The following RNF13 variants were observed in gnomAD, a reference collection of about 807,000 sequenced individuals.
RNF13 encodes ring finger protein 13.
RNF13 carries 19 observed loss-of-function variants against 37.7 expected under a neutral mutation model. The observed-to-expected ratio is 0.50, with a 90% CI of 0.35 to 0.74. The LOEUF is 0.74. Among genes scored for constraint, RNF13 ranks in the 30% least tolerant of loss-of-function variants. The pLI is 0.01. For synonymous variants in RNF13, 144 were observed against 157.8 expected (o/e 0.91, Z 0.65); for missense variants, 375 against 453.0 (o/e 0.83, Z 1.56).
chr3:149,832,965 A>G (rs564460361), intron 1 of RNF13, among the ~76,000 whole-genome samples: 15 of 152,136 alleles, frequency 9.9e-5, no homozygotes, highest in Non-Finnish European at 1.8e-4. Context: ...ATCAACATCA[A>G]TTTTTCTCAA....
intron 6 of RNF13, among the ~76,000 whole-genome samples, chr3:149,903,305 G>A (rs991103747): frequency 2.0e-5 from 3 of 151,810 alleles, no homozygotes; most frequent in Non-Finnish European, 2.9e-5. Flanking sequence ...TTGCTCCCTC[G>A]TTTAGAATAC....
chr3:149,861,228 G>C (rs1244883214), intron 3 of RNF13, among the ~76,000 whole-genome samples: 1 of 151,736 alleles, frequency 6.6e-6, no homozygotes. Flanking sequence ...CTTAAAAGGG[G>C]GTGGGGGAGA....
In RNF13 at chr3:149,960,992, A is replaced by G; in HGVS notation, c.1034A>G (p.Asp345Gly). 1.2e-6 allele frequency: 2 copies of G among 1,614,238 alleles called. No individual in the cohort carries two copies. Among genetic ancestry groups the G allele is most frequent in the Non-Finnish European group, 1.7e-6 (2 of 1,180,030 alleles). ...GAATCTTCAGACTATGAGGAAGACG[A>G]CAATGAAGATACTGACAGTAGTGAT... ...MTESSDYEEDDNEDTDSSDAE... is the reference protein window; with the variant it reads ...MTESSDYEEDGNEDTDSSDAE... The change falls in exon 10 of 10, where the codon GAC (aspartate) becomes GGC (glycine). Residue 345 changes from aspartate to glycine, a missense_variant. Physicochemically the swap from Asp to Gly is moderately conservative, Grantham distance 94. Coordinates refer to ENST00000392894, the MANE Select transcript of RNF13 (RefSeq NM_183381.3).
intron 8 of RNF13, among the ~76,000 whole-genome samples, chr3:149,951,600 C>CTTTAGTTGGGGTTGT (rs1721346717): frequency 6.6e-6 from 1 of 152,108 alleles, no homozygotes; most frequent in African/African-American, 2.4e-5. Context: ...CCTCTTTCTA[C>CTTTAGTTGGGGTTGT]TTTAGTTGGG....
intron 8 of RNF13, among the ~76,000 whole-genome samples, chr3:149,934,808 G>A (rs1719515235): frequency 6.6e-6 from 1 of 151,876 alleles, no homozygotes; most frequent in South Asian, 2.1e-4. Flanking sequence ...GTAGAGATGA[G>A]GTTTTACCAT....
intron 3 of RNF13, among the ~76,000 whole-genome samples, chr3:149,862,192 A>G (rs1202300693): frequency 6.6e-6 from 1 of 152,142 alleles, no homozygotes; most frequent in Non-Finnish European, 1.5e-5. Context: ...AAATTACACC[A>G]TAATGTAACC....
chr3:149,843,687 A>G (rs1459834238), intron 1 of RNF13, among the ~76,000 whole-genome samples: 1 of 152,220 alleles, frequency 6.6e-6, no homozygotes, highest in Non-Finnish European at 1.5e-5. Context: ...TACTCTTCGA[A>G]CATCAACCTT....
chr3:149,903,030 G>A (rs1716006443), intron 6 of RNF13, among the ~76,000 whole-genome samples: 1 of 151,932 alleles, frequency 6.6e-6, no homozygotes, highest in African/African-American at 2.4e-5. Context: ...TTATTTAGGG[G>A]GAAAAGAAAT....
intron 8 of RNF13, among the ~76,000 whole-genome samples, chr3:149,929,826 G>C (rs532526677): frequency 2.0e-5 from 3 of 152,298 alleles, no homozygotes; most frequent in Admixed American, 1.3e-4. Flanking sequence ...CACTGTTAGA[G>C]AGCAGTTGAC....
chr3:149,940,990 C>T (rs550382004), intron 8 of RNF13, among the ~76,000 whole-genome samples: 78 of 152,268 alleles, frequency 5.1e-4, no homozygotes, highest in African/African-American at 1.9e-3. Context: ...GCATAATGCC[C>T]TCACGGTTCA....
At chr3:149,853,803 T>G (rs1315733348) in intron 3 of RNF13, among the ~76,000 whole-genome samples, 1 of 151,714 alleles carries the variant, frequency 6.6e-6, no homozygotes, top group Non-Finnish European at 1.5e-5. Context: ...ATAGAATGTT[T>G]TCAGTTTATT....
intron 1 of RNF13, among the ~76,000 whole-genome samples, chr3:149,844,835 A>G (rs149470920): frequency 6.6e-6 from 1 of 152,140 alleles, no homozygotes; most frequent in Admixed American, 6.5e-5. Flanking sequence ...AGTGATTTTT[A>G]GTATATTTAT....
chr3:149,816,733 A>G (rs1238349617), intron 1 of RNF13, among the ~76,000 whole-genome samples: 1 of 152,190 alleles, frequency 6.6e-6, no homozygotes, highest in Non-Finnish European at 1.5e-5. Context: ...CAGACTAAAG[A>G]TTTTATATAT....
At chr3:149,881,590 C>T (rs1273393597) in intron 4 of RNF13, among the ~76,000 whole-genome samples, 1 of 152,182 alleles carries the variant, frequency 6.6e-6, no homozygotes, top group East Asian at 1.9e-4. Context: ...CTCGGCCTTC[C>T]AAAGTGTTGG....
rs2108299542 is a variant in RNF13, at chr3:149,814,946, T to TA, written c.-17+1595dup. Among the ~76,000 whole-genome samples the TA allele has an allele frequency of 2.6e-5, 4 of 151,876 alleles. No individual in the cohort carries two copies. The South Asian group carries it at 6.2e-4, about 24-fold the overall frequency. Reference sequence around the variant, plus strand: ...ACTGTTTTATTAGTTTTTTTTTTTTTAACCTCTGCCTTTGTTTGAAGCTAG... The same window carrying TA: ...ACTGTTTTATTAGTTTTTTTTTTTTTAAACCTCTGCCTTTGTTTGAAGCTAG... On this transcript the variant is annotated intron_variant, in intron 1 of 9. Transcript: ENST00000392894.
At chr3:149,949,737 TTTTTC>T (rs1250390310) in intron 8 of RNF13, among the ~76,000 whole-genome samples, 3 of 151,716 alleles carry the variant, frequency 2.0e-5, no homozygotes, top group African/African-American at 7.3e-5. Flanking sequence ...TCTTTTTTTT[TTTTTC>T]TTCTCTTCAT....
chr3:149,864,376 T>TTG (rs1021856067), intron 3 of RNF13, among the ~76,000 whole-genome samples: 1 of 151,876 alleles, frequency 6.6e-6, no homozygotes, highest in South Asian at 2.1e-4. Context: ...GCCATGCCTT[T>TTG]TGTGTGTGTG....
chr3:149,939,822 G>A, intron 8 of RNF13: 8 of 545,112 alleles, frequency 1.5e-5, no homozygotes, highest in South Asian at 1.2e-4. Context: ...CACTTAGGTG[G>A]GAGAGAAGGT....
chr3:149,855,576 A>G (rs1211182242), intron 3 of RNF13, among the ~76,000 whole-genome samples: 2 of 150,884 alleles, frequency 1.3e-5, no homozygotes, highest in African/African-American at 2.4e-5. Context: ...ATACGTATAT[A>G]TGTGTATATA....
Sources: gnomAD v4.1 joint callset for allele counts (sites outside exome capture counted in the v4.1 genomes callset) on GRCh38, gnomAD v4.1.1 for gene constraint, MANE v1.5 for transcripts, NCBI Gene and HGNC (gene_info 2026-07-23, HGNC 2026-07-21) for gene names.